SUN1: variants seen among roughly 807,000 people sequenced by gnomAD.
The protein encoded by SUN1 is Sad1 and UNC84 domain containing 1, also known as SUN domain-containing protein 1.
A neutral mutation model predicts 103.2 loss-of-function variants in SUN1; 61 were observed. The observed-to-expected ratio is 0.59, with a 90% CI of 0.48 to 0.73. SUN1 has a LOEUF of 0.73. SUN1 is among the 30% of genes least tolerant of loss of function. The pLI, the probability that SUN1 is intolerant of heterozygous loss-of-function variation, is 0.00. For synonymous variants in SUN1, 490 were observed against 425.7 expected (o/e 1.15, Z -1.86); for missense variants, 1,052 against 1,034.6 (o/e 1.02, Z -0.23).
chr7:832,317 C>G (rs921204086), upstream of SUN1, among the ~76,000 whole-genome samples: 10 of 152,156 alleles, frequency 6.6e-5, no homozygotes, highest in African/African-American at 2.4e-4. Context: ...AGAAGTGTTC[C>G]TGGGCTTGTA....
intron 5 of SUN1, among the ~76,000 whole-genome samples, chr7:847,517 G>A (rs1479765549): frequency 3.6e-5 from 3 of 84,320 alleles, no homozygotes; most frequent in East Asian, 4.5e-4. Context: ...CGGAGTTGGC[G>A]GCCTTCCCCT....
At chr7:869,907 C>A (rs986531498) in intron 17 of SUN1, among the ~76,000 whole-genome samples, 1 of 152,110 alleles carries the variant, frequency 6.6e-6, no homozygotes, top group Non-Finnish European at 1.5e-5. Flanking sequence ...GGTTTCTTCA[C>A]CATGCCTTTA....
At chr7:852,716 A>T (rs773293636) in intron 8 of SUN1, 49 bp downstream of exon 8, 1 of 1,614,072 alleles carries the variant, frequency 6.2e-7, no homozygotes, top group Non-Finnish European at 8.5e-7. Context: ...CGGTACACAC[A>T]TATGTGTAAC....
At chr7:872,441 T>C in intron 17 of SUN1, 29 bp from the exon 18 acceptor site, 1 of 1,562,606 alleles carries the variant, frequency 6.4e-7, no homozygotes, top group East Asian at 2.3e-5. Flanking sequence ...TTTCCATTCG[T>C]TCATAATTGT....
chr7:868,200 G>A (rs1838604914), intron 16 of SUN1, among the ~76,000 whole-genome samples: 2 of 152,244 alleles, frequency 1.3e-5, no homozygotes, highest in African/African-American at 4.8e-5. Flanking sequence ...CTGCGTGCAC[G>A]GTCTCCTCCT....
intron 1 of SUN1, among the ~76,000 whole-genome samples, chr7:838,350 G>A (rs1001919610): frequency 4.6e-5 from 7 of 152,232 alleles, no homozygotes; most frequent in Admixed American, 1.3e-4. Flanking sequence ...TAGAAGGGGA[G>A]CATTGACGGC....
intron 7 of SUN1, 102 bp from the exon 8 acceptor site, chr7:852,507 G>T: frequency 2.3e-6 from 3 of 1,321,382 alleles, no homozygotes; most frequent in Non-Finnish European, 3.3e-6. Context: ...TTCTAATACT[G>T]GGGGGGTGGA....
At chr7:846,534 C>T (rs576434961) in intron 5 of SUN1, among the ~76,000 whole-genome samples, 2 of 151,820 alleles carry the variant, frequency 1.3e-5, no homozygotes, top group African/African-American at 4.8e-5. Flanking sequence ...GAGATCATAC[C>T]ACTGCACTTC....
intron 5 of SUN1, chr7:849,870 A>G (rs1820220002): frequency 3.9e-6 from 6 of 1,546,334 alleles, no homozygotes; most frequent in African/African-American, 1.4e-5. Context: ...GCTGAGATGG[A>G]CAGAGTTTGC....
intron 1 of SUN1, among the ~76,000 whole-genome samples, chr7:826,833 A>G (rs1246083962): frequency 6.6e-6 from 1 of 152,200 alleles, no homozygotes; most frequent in African/African-American, 2.4e-5. Flanking sequence ...CCTTTGCAGG[A>G]GATCCCATTG....
At chr7:835,245 G>A (rs1801922224) in intron 1 of SUN1, among the ~76,000 whole-genome samples, 4 of 151,106 alleles carry the variant, frequency 2.6e-5, no homozygotes, top group Admixed American at 2.6e-4. Context: ...TTCAGTTCAC[G>A]GGTTCCCCAG....
At position 872,455 on chromosome 7, in the gene SUN1, T is replaced by C. The variant is rs1210321820; in HGVS notation, c.2149-15T>C. 8.2e-6 allele frequency: 13 copies of C among 1,584,748 alleles called. No individual in the cohort carries two copies. Among genetic ancestry groups the C allele is most frequent in the Non-Finnish European group, 1.0e-5 (12 of 1,163,658 alleles). ...TTTTCCATTCGTTCATAATTGTGTA[T>C]GGTCTTGTTTTCAGGGATTAGAAAA... On this transcript the variant is annotated splice_polypyrimidine_tract_variant and intron_variant, in intron 17 of 18. Transcript: ENST00000401592.
At chr7:831,269 C>T (rs1241211840), upstream of SUN1, among the ~76,000 whole-genome samples, 2 of 132,196 alleles carry the variant, frequency 1.5e-5, no homozygotes, top group African/African-American at 5.6e-5. Flanking sequence ...AGTTTTGAAA[C>T]GTGCTTTTTT....
At chr7:832,450 G>T, upstream of SUN1, 1 of 1,454,974 alleles carries the variant, frequency 6.9e-7, no homozygotes, top group Non-Finnish European at 9.5e-7. Context: ...AGACAGGAAT[G>T]CGCTCGATTT....
chr7:822,721 G>C (rs1787455948), intron 1 of SUN1, among the ~76,000 whole-genome samples: 1 of 152,210 alleles, frequency 6.6e-6, no homozygotes, highest in African/African-American at 2.4e-5. Context: ...GTGTATTCCA[G>C]AACATGTAAG....
At chr7:817,359 C>A in intron 1 of SUN1, 1 of 1,493,234 alleles carries the variant, frequency 6.7e-7, no homozygotes, top group Non-Finnish European at 9.0e-7. Context: ...TGGAGGCGCG[C>A]GCGTGGTCTC....
intron 11 of SUN1, among the ~76,000 whole-genome samples, 199 bp downstream of exon 11, chr7:855,205 G>A (rs1403414372): frequency 2.0e-5 from 3 of 152,210 alleles, no homozygotes; most frequent in Non-Finnish European, 4.4e-5. Flanking sequence ...TGTAACTCAC[G>A]CATCCCCGTG....
intron 1 of SUN1, among the ~76,000 whole-genome samples, chr7:834,801 C>T (rs888668121): frequency 4.6e-5 from 7 of 152,154 alleles, no homozygotes; most frequent in Admixed American, 2.6e-4. Context: ...GGGGGCCAGG[C>T]GCAGTGGCTC....
At chr7:840,126 C>T (rs973048453) in intron 2 of SUN1, among the ~76,000 whole-genome samples, 4 of 152,148 alleles carry the variant, frequency 2.6e-5, no homozygotes, top group African/African-American at 4.8e-5. Flanking sequence ...CTGTTAAGAG[C>T]GATGGCGGAA....
Sources: gnomAD v4.1 joint callset for allele counts (sites outside exome capture counted in the v4.1 genomes callset) on GRCh38, gnomAD v4.1.1 for gene constraint, MANE v1.5 for transcripts, NCBI Gene and HGNC (gene_info 2026-07-23, HGNC 2026-07-21) for gene names.